GALNTL5: variants seen among roughly 807,000 people sequenced by gnomAD.
The protein encoded by GALNTL5 is polypeptide N-acetylgalactosaminyltransferase like 5.
GALNTL5 carries 44 observed loss-of-function variants against 51.0 expected under a neutral mutation model. The observed-to-expected ratio is 0.86, with a 90% CI of 0.68 to 1.11. The LOEUF is 1.11. GALNTL5 is among the 50% of genes least tolerant of loss of function. The pLI is 0.00. For missense variants in GALNTL5, 528 were observed against 531.8 expected (o/e 0.99, Z 0.07); for synonymous variants, 192 against 182.8 (o/e 1.05, Z -0.41).
chr7:152,001,903 C>T (rs2081585398), intron 5 of GALNTL5, among the ~76,000 whole-genome samples: 1 of 152,120 alleles, frequency 6.6e-6, no homozygotes, highest in Non-Finnish European at 1.5e-5. Context: ...AAAGTCTAAA[C>T]TCTGCTACTT....
intron 7 of GALNTL5, among the ~76,000 whole-genome samples, chr7:152,012,448 CTG>C (rs1274701752): frequency 0.057 from 4 of 70 alleles, no homozygotes; most frequent in East Asian, 0.4. Flanking sequence ...ATGCTATACT[CTG>C]CTGCTGTGGG....
intron 3 of GALNTL5, among the ~76,000 whole-genome samples, chr7:151,972,290 G>C (rs1402427507): frequency 6.6e-6 from 1 of 152,190 alleles, no homozygotes; most frequent in Non-Finnish European, 1.5e-5. Context: ...CTTTAGCAAA[G>C]AGACTGGTGG....
chr7:152,003,587 A>G (rs2081608827), intron 6 of GALNTL5, among the ~76,000 whole-genome samples: 1 of 152,246 alleles, frequency 6.6e-6, no homozygotes, highest in Admixed American at 6.5e-5. Context: ...AGAGGAAGTG[A>G]TCTGATCAAT....
chr7:151,973,241 G>A (rs1432452290), intron 3 of GALNTL5, among the ~76,000 whole-genome samples: 1 of 151,812 alleles, frequency 6.6e-6, no homozygotes, highest in Non-Finnish European at 1.5e-5. Context: ...TGGATCACGA[G>A]GTCAGGAGTT....
intron 5 of GALNTL5, among the ~76,000 whole-genome samples, chr7:151,997,344 C>T (rs2081512700): frequency 6.6e-6 from 1 of 152,176 alleles, no homozygotes; most frequent in African/African-American, 2.4e-5. Context: ...CTTCCCGAAA[C>T]TCTCGAAGGC....
At chr7:151,990,084 C>A (rs2081408563) in intron 5 of GALNTL5, among the ~76,000 whole-genome samples, 3 of 151,850 alleles carry the variant, frequency 2.0e-5, no homozygotes. Flanking sequence ...ACTCTGTTGC[C>A]CAGGCTGGAG....
chr7:151,960,066 GCC>G (rs1287118766), intron 1 of GALNTL5: 1 of 152,122 alleles, frequency 6.6e-6, no homozygotes, highest in Non-Finnish European at 1.5e-5. Flanking sequence ...AGCTCTCCCC[GCC>G]CTTCGGTTGT....
intron 3 of GALNTL5, among the ~76,000 whole-genome samples, chr7:151,981,124 C>T (rs1476328801): frequency 6.6e-6 from 1 of 152,056 alleles, no homozygotes; most frequent in African/African-American, 2.4e-5. Context: ...GCAAGCTGGG[C>T]CAGTGAATCT....
At chr7:151,960,800 G>C (rs934599613) in intron 1 of GALNTL5, 1 of 152,302 alleles carries the variant, frequency 6.6e-6, no homozygotes, top group Admixed American at 6.5e-5. Flanking sequence ...GCAGCTGGGA[G>C]AATGGGTGTC....
At chr7:151,978,658 G>T (rs2081235828) in intron 3 of GALNTL5, among the ~76,000 whole-genome samples, 1 of 152,198 alleles carries the variant, frequency 6.6e-6, no homozygotes, top group Admixed American at 6.5e-5. Context: ...TTGGAGGCCA[G>T]AAATCTGAAA....
intron 7 of GALNTL5, among the ~76,000 whole-genome samples, chr7:152,008,808 G>A (rs554944451): frequency 1.3e-5 from 2 of 151,848 alleles, no homozygotes; most frequent in East Asian, 1.9e-4. Flanking sequence ...ATTTTATAAC[G>A]CTCATGCCTT....
intron 3 of GALNTL5, among the ~76,000 whole-genome samples, chr7:151,975,545 C>A (rs1167091856): frequency 1.3e-5 from 2 of 151,724 alleles, no homozygotes; most frequent in Non-Finnish European, 2.9e-5. Context: ...CTATTGTTTT[C>A]CTAATCTCTA....
intron 6 of GALNTL5, among the ~76,000 whole-genome samples, chr7:152,005,875 G>C (rs1037806010): frequency 6.6e-6 from 1 of 152,094 alleles, no homozygotes; most frequent in African/African-American, 2.4e-5. Context: ...TTGATTCTCT[G>C]GTACTGAACA....
chr7:152,014,413 A>G (rs944862993), intron 7 of GALNTL5, among the ~76,000 whole-genome samples: 7 of 152,112 alleles, frequency 4.6e-5, no homozygotes, highest in African/African-American at 1.7e-4. Context: ...GATTACAGGC[A>G]TGCGCCACCA....
chr7:151,980,737 A>ATTTTTTTTTTTTTTTTTT (rs61288964), intron 3 of GALNTL5, among the ~76,000 whole-genome samples: 1 of 98,966 alleles, frequency 1.0e-5, no homozygotes, highest in African/African-American at 4.7e-5. Flanking sequence ...GCTAACAATG[A>ATTTTTTTTTTTTTTTTTT]TTTTTTTTTT....
At chr7:151,994,537 C>A (rs927170854) in intron 5 of GALNTL5, among the ~76,000 whole-genome samples, 5 of 152,032 alleles carry the variant, frequency 3.3e-5, no homozygotes, top group Admixed American at 3.3e-4. Flanking sequence ...ACCAGCTGCA[C>A]GGGCCTTCCT....
chr7:151,999,779 G>A (rs983897432), intron 5 of GALNTL5, among the ~76,000 whole-genome samples: 1 of 152,218 alleles, frequency 6.6e-6, no homozygotes, highest in African/African-American at 2.4e-5. Flanking sequence ...CTGTGTGTGT[G>A]CTGCCAATAG....
chr7:151,967,146 G>GT, intron 1 of GALNTL5, 62 bp from the exon 2 acceptor site: 4 of 1,058,868 alleles, frequency 3.8e-6, no homozygotes, highest in Non-Finnish European at 4.1e-6. Flanking sequence ...TTTAAGCCAA[G>GT]TAGGTGATCT....
At chr7:151,991,390 C>T (rs1052660570) in intron 5 of GALNTL5, among the ~76,000 whole-genome samples, 5 of 152,300 alleles carry the variant, frequency 3.3e-5, no homozygotes, top group African/African-American at 1.2e-4. Context: ...TGCGCACGGC[C>T]TGATACTCTT....
Sources: gnomAD v4.1 joint callset for allele counts (sites outside exome capture counted in the v4.1 genomes callset) on GRCh38, gnomAD v4.1.1 for gene constraint, MANE v1.5 for transcripts, NCBI Gene and HGNC (gene_info 2026-07-23, HGNC 2026-07-21) for gene names.